Variants in TNRC6C observed in about 807,000 individuals in gnomAD.
The protein encoded by TNRC6C is trinucleotide repeat-containing gene 6C protein.
A neutral mutation model predicts 153.7 loss-of-function variants in TNRC6C; 20 were observed. The ratio of observed to expected loss-of-function variants is 0.13; its 90% CI spans 0.09 to 0.19. The LOEUF is 0.19. TNRC6C is among the 10% of genes least tolerant of loss of function. TNRC6C has a pLI of 1.00. For synonymous variants in TNRC6C, 811 were observed against 841.4 expected, an observed-to-expected ratio of 0.96 and a Z score of 0.63; for missense variants, 1,987 against 2,172.0, an observed-to-expected ratio of 0.91 and a Z score of 1.69.
intron 11 of TNRC6C, among the ~76,000 whole-genome samples, chr17:78,084,199 G>A (rs1028175526): frequency 3.3e-5 from 5 of 151,560 alleles, no homozygotes; most frequent in Non-Finnish European, 7.4e-5. Flanking sequence ...CAGGAGAATC[G>A]CTTGAACCTG....
At chr17:78,083,064 G>A (rs760704740) in exon 11 of TNRC6C, 1 of 1,613,898 alleles carries the variant, frequency 6.2e-7, no homozygotes, top group Non-Finnish European at 8.5e-7. Flanking sequence ...CACAGCTTTT[G>A]CAGTTTGCAG....
chr17:77,961,143 T>G (rs1404309609), intron 1 of TNRC6C, among the ~76,000 whole-genome samples: 1 of 151,788 alleles, frequency 6.6e-6, no homozygotes, highest in African/African-American at 2.4e-5. Context: ...CTTGCTGACC[T>G]TACCTCGGTT....
chr17:78,021,106 G>A (rs9906521), intron 1 of TNRC6C, among the ~76,000 whole-genome samples: 14,568 of 152,300 alleles, frequency 0.096, 1,888 homozygotes, highest in African/African-American at 0.3. Flanking sequence ...GCTTCCTTCA[G>A]GCAGCACTGT....
At chr17:78,060,927 A>C (rs953162313) in intron 3 of TNRC6C, among the ~76,000 whole-genome samples, 1 of 152,194 alleles carries the variant, frequency 6.6e-6, no homozygotes, top group Non-Finnish European at 1.5e-5. Context: ...TGAGAGAAAG[A>C]TTCTCTGTTT....
chr17:78,025,877 C>T (rs1422052783), intron 1 of TNRC6C, among the ~76,000 whole-genome samples: 1 of 152,148 alleles, frequency 6.6e-6, no homozygotes, highest in Non-Finnish European at 1.5e-5. Context: ...GGAATGCTAG[C>T]CATCACAGAA....
exon 13 of TNRC6C, chr17:78,086,936 A>G (rs552765902): frequency 5.6e-6 from 9 of 1,612,422 alleles, no homozygotes; most frequent in South Asian, 4.4e-5. Context: ...TGAAGCAGCC[A>G]CCACCGCCAC....
Position 78,079,284 on chromosome 17 carries a change from G to A in TNRC6C, c.3211-111G>A. ...TCTTGGGTACAAGTTGACAGTGGTA[G>A]GAAGTAGAAACAATTTTGCATTCAC... is the stretch of plus-strand genomic sequence containing the variant. On this transcript the variant is annotated intron_variant, in intron 9 of 19. Coordinates refer to ENST00000301624, the Ensembl canonical transcript of TNRC6C. The surrounding 1 kb of genome is among the most constrained non-coding windows in gnomAD (Gnocchi z 4.3). 1 of 1,475,238 alleles carries A rather than the reference G, an allele frequency of 6.8e-7. No individual in the cohort carries two copies. The highest frequency in any genetic ancestry group is 9.2e-7 in the Non-Finnish European group (1 of 1,087,516). The allele number at this position is 1,475,238 out of a possible 1,614,324, so 91.4% of individuals were successfully genotyped here. A position where few individuals can be genotyped will look rare whatever the true frequency, so the allele number is the denominator to read the frequency against.
rs2072484210 is a variant in TNRC6C, at chr17:78,049,785, T to G, written c.723T>G (p.Ala241=). ...TTTCTCAAGTCAGTGGGGGCAGTGC[T>G]GAAGGAATAAGCAATTCTGTGTGGG... is the stretch of plus-strand genomic sequence containing the variant. The change falls in exon 3 of 20, where the codon GCT becomes GCG. Residue 241 remains alanine (A), a synonymous_variant. Transcript: ENST00000301624. This position sits in a 1 kb window ranked among gnomAD's most constrained non-coding sequence, Gnocchi z 4.1. The G allele has an allele frequency of 1.3e-6, 2 of 1,598,626 alleles. No homozygotes were observed. Among genetic ancestry groups the G allele is most frequent in the African/African-American group, 2.7e-5 (2 of 74,708 alleles).
At chr17:78,074,933 C>T (rs1390387686) in intron 7 of TNRC6C, among the ~76,000 whole-genome samples, 3 of 152,212 alleles carry the variant, frequency 2.0e-5, no homozygotes, top group African/African-American at 7.2e-5. Context: ...CTGGGGCCAA[C>T]CCCCATCCCC....
At position 78,096,717 on chromosome 17, in the gene TNRC6C, T is replaced by C. The variant is rs141577744; in HGVS notation, c.4307-1626T>C. 2.6e-5 allele frequency among the ~76,000 whole-genome samples: 4 copies of C among 152,378 alleles called. No individual in the cohort carries two copies. The East Asian group carries it at 7.7e-4, about 29-fold the overall frequency. On this transcript the variant is annotated intron_variant, in intron 16 of 19. Coordinates refer to ENST00000301624, the Ensembl canonical transcript of TNRC6C. ...CCTCTGCTAGCCAGGATACGTGCAC[T>C]GGCAGAGTCATTGTCCCAATTAGAG...
chr17:77,978,107 C>T (rs2071027550), intron 1 of TNRC6C, among the ~76,000 whole-genome samples: 1 of 151,928 alleles, frequency 6.6e-6, no homozygotes, highest in Non-Finnish European at 1.5e-5. Context: ...CCATGTTAGC[C>T]AGGATGGTCT....
At chr17:77,962,246 T>A (rs2144026345) in intron 1 of TNRC6C, among the ~76,000 whole-genome samples, 1 of 152,330 alleles carries the variant, frequency 6.6e-6, no homozygotes, top group Middle Eastern at 3.4e-3. Context: ...CTTTTAAGAT[T>A]GAAAAACCAT....
Position 78,104,569 on chromosome 17 carries a change from G to T in TNRC6C, c.4797G>T (p.Leu1599=). 6.4e-7 allele frequency: 1 copy of T among 1,553,640 alleles called. No individual in the cohort carries two copies. The highest frequency in any genetic ancestry group is 8.7e-7 in the Non-Finnish European group (1 of 1,148,412). The change falls in exon 20 of 20, where the codon CTG becomes CTT. Residue 1599 remains leucine, a synonymous_variant. Coordinates refer to ENST00000301624, the Ensembl canonical transcript of TNRC6C. This position sits in a 1 kb window ranked among gnomAD's most constrained non-coding sequence, Gnocchi z 6.2. The stretch of plus-strand genomic sequence containing the variant: ...GCTTCTTAGCCCAAGGCCAGGCGCT[G>T]CCACCCACTTCCAGCTGGCAGTCCA...
chr17:78,107,412 C>T (rs896967923), exon 20 of TNRC6C: 1 of 152,164 alleles, frequency 6.6e-6, no homozygotes, highest in African/African-American at 2.4e-5. Context: ...TTCGAAAGTA[C>T]AACGCTTTAT....
chr17:78,068,188 G>A (rs1429477477), intron 5 of TNRC6C, among the ~76,000 whole-genome samples: 2 of 152,208 alleles, frequency 1.3e-5, no homozygotes, highest in Non-Finnish European at 2.9e-5. Context: ...CAGAGAATGT[G>A]CAGAAACAGG....
At chr17:78,000,883 T>A (rs753403029), upstream of TNRC6C, among the ~76,000 whole-genome samples, 1 of 152,228 alleles carries the variant, frequency 6.6e-6, no homozygotes, top group Non-Finnish European at 1.5e-5. Flanking sequence ...CATCCAGAAT[T>A]GTTTTGCATG....
chr17:77,991,510 A>T, intron 1 of TNRC6C, among the ~76,000 whole-genome samples: 6 of 152,192 alleles, frequency 3.9e-5, no homozygotes, highest in Non-Finnish European at 8.8e-5. Context: ...AACAGAAATA[A>T]TACGTAAACT....
At chr17:77,985,279 C>T (rs1050173828) in intron 1 of TNRC6C, among the ~76,000 whole-genome samples, 3 of 152,040 alleles carry the variant, frequency 2.0e-5, no homozygotes, top group Non-Finnish European at 2.9e-5. Context: ...TGTTCCTTGC[C>T]TTGTAGCCTC....
chr17:78,088,989 A>G (rs1171020955), intron 13 of TNRC6C, among the ~76,000 whole-genome samples: 1 of 108,202 alleles, frequency 9.2e-6, no homozygotes, highest in Non-Finnish European at 1.8e-5. Context: ...TTTTTTTGAG[A>G]TAGAGTCTTG....
Sources: allele counts gnomAD v4.1 joint callset (sites outside exome capture counted in the v4.1 genomes callset), GRCh38; gene constraint gnomAD v4.1.1; non-coding constraint Gnocchi (gnomAD v3.1); transcripts MANE v1.5; gene names NCBI Gene and HGNC (gene_info 2026-07-23, HGNC 2026-07-21).